Variants in CDCA7L observed in about 807,000 individuals in gnomAD.
The protein encoded by CDCA7L is cell division cycle-associated 7-like protein.
CDCA7L carries 44 observed loss-of-function variants against 57.4 expected under a neutral mutation model. The observed-to-expected ratio is 0.77, with a 90% confidence interval of 0.60 to 0.98. CDCA7L has a LOEUF of 0.98. Ranked by LOEUF, CDCA7L falls within the 50% of genes least tolerant of loss-of-function variation. CDCA7L has a pLI of 0.00. For missense variants in CDCA7L, 644 were observed against 580.6 expected, an observed-to-expected ratio of 1.11 and a Z score of -1.12; for synonymous variants, 236 against 202.8, an observed-to-expected ratio of 1.16 and a Z score of -1.39.
At chr7:21,942,945 C>T (rs568855638) in intron 1 of CDCA7L, among the ~76,000 whole-genome samples, 1 of 152,192 alleles carries the variant, frequency 6.6e-6, no homozygotes, top group Admixed American at 6.5e-5. Context: ...CCTTCAACAG[C>T]GTGCTCCTGC....
At chr7:21,917,073 T>G (rs1236829118) in intron 1 of CDCA7L, among the ~76,000 whole-genome samples, 179 bp from the exon 2 acceptor site, 1 of 151,998 alleles carries the variant, frequency 6.6e-6, no homozygotes, top group East Asian at 1.9e-4. Context: ...AAATAAGGTG[T>G]GGGGTGGGTG....
chr7:21,923,110 T>C (rs769410863), intron 1 of CDCA7L, among the ~76,000 whole-genome samples: 3 of 152,184 alleles, frequency 2.0e-5, no homozygotes, highest in Non-Finnish European at 2.9e-5. Flanking sequence ...TACTGAACCA[T>C]ACATTTTAAA....
In CDCA7L at chr7:21,905,567, G is replaced by T; in HGVS notation, c.986C>A (p.Thr329Asn). ...ISSFRPVEDI[T>N]EEDLENVAIT... The stretch of plus-strand genomic sequence containing the variant: ...GGCAACATTTTCTAAGTCCTCTTCG[G>T]TGATATCCTCCACTGGCCGAAAAGA... Residue 329 changes from threonine to asparagine, a missense_variant, in exon 7 of 10, where the codon ACC becomes AAC. Physicochemically the swap from Thr to Asn is moderately conservative, Grantham distance 65. Coordinates refer to ENST00000406877, the MANE Select transcript of CDCA7L (RefSeq NM_018719.5). The T allele has an allele frequency of 1.2e-6, 2 of 1,613,924 alleles. No homozygotes were observed. The highest frequency in any genetic ancestry group is 1.7e-6 in the Non-Finnish European group (2 of 1,179,930).
intron 1 of CDCA7L, among the ~76,000 whole-genome samples, chr7:21,927,650 C>A (rs1387938394): frequency 1.3e-5 from 2 of 152,278 alleles, no homozygotes; most frequent in East Asian, 3.9e-4. Flanking sequence ...GGCTGAAAGG[C>A]ATGAATTGGA....
At chr7:21,918,001 C>A (rs1341653375) in intron 1 of CDCA7L, among the ~76,000 whole-genome samples, 1 of 77,938 alleles carries the variant, frequency 1.3e-5, no homozygotes. Context: ...CACTGACTTT[C>A]TTTTTAGATA....
At position 21,902,261 on chromosome 7, in the gene CDCA7L, T is replaced by TGAAATCTTTCTTAGGCACCAAG; in HGVS notation, c.*60_*61insCTTGGTGCCTAAGAAAGATTTC. 1 of 1,457,094 alleles carries TGAAATCTTTCTTAGGCACCAAG rather than the reference T, an allele frequency of 6.9e-7. No homozygotes were observed. The highest frequency in any genetic ancestry group is 9.6e-7 in the Non-Finnish European group (1 of 1,038,240). The allele number at this position is 1,457,094 out of a possible 1,614,324, so 90.3% of individuals were successfully genotyped here. ...TAAAAAAATCTTTCTTAGGCACCAA[T>TGAAATCTTTCTTAGGCACCAAG]GGTATGCATGTCTTGTTGGAGTACT... On this transcript the variant is annotated 3_prime_UTR_variant, in exon 10 of 10. Transcript: ENST00000406877.
chr7:21,936,231 T>C (rs1562637043), intron 1 of CDCA7L, among the ~76,000 whole-genome samples: 1 of 152,206 alleles, frequency 6.6e-6, no homozygotes, highest in Admixed American at 6.5e-5. Flanking sequence ...GATGGCTTCA[T>C]GGGTAATTCT....
At chr7:21,914,378 G>C (rs1785421196) in intron 2 of CDCA7L, among the ~76,000 whole-genome samples, 1 of 152,172 alleles carries the variant, frequency 6.6e-6, no homozygotes, top group South Asian at 2.1e-4. Context: ...AATCTAACAG[G>C]GAGGCAGACA....
At chr7:21,926,105 C>A (rs188281545) in intron 1 of CDCA7L, among the ~76,000 whole-genome samples, 12 of 152,234 alleles carry the variant, frequency 7.9e-5, no homozygotes, top group Non-Finnish European at 1.0e-4. Context: ...TTAGGGCAAC[C>A]ACAGTTAGAC....
Position 21,925,406 on chromosome 7 carries a change from T to C in CDCA7L, c.25-8512A>G, listed in dbSNP as rs375703223. Among the ~76,000 whole-genome samples, 46 of 152,328 alleles carry C rather than the reference T, an allele frequency of 3.0e-4. No homozygotes were observed. In the East Asian group the frequency reaches 4.8e-3, roughly 16 times the overall value. On this transcript the variant is annotated intron_variant, in intron 1 of 9. Coordinates refer to ENST00000406877, the MANE Select transcript of CDCA7L (RefSeq NM_018719.5). ...AGGTGTGAGGAGACAAACACTTCTA[T>C]ACAGAACTGGTATGAGGACACTGAA...
At chr7:21,938,666 A>G (rs1786247839) in intron 1 of CDCA7L, among the ~76,000 whole-genome samples, 1 of 152,178 alleles carries the variant, frequency 6.6e-6, no homozygotes, top group Non-Finnish European at 1.5e-5. Flanking sequence ...TAAATAGATG[A>G]GTAAATAAAG....
rs114002900 is a variant in CDCA7L at position 21,919,683 on chromosome 7, G to T, written c.25-2789C>A. 4.7e-4 allele frequency among the ~76,000 whole-genome samples: 71 copies of T among 152,058 alleles called. 1 individual carries two copies. Among genetic ancestry groups the T allele is most frequent in the African/African-American group, 1.7e-3 (71 of 41,482 alleles). ...CTCATCTCTCCCTCATCTCACATTA[G>T]CATCGCCGTTCCACCACAAGGAAAA... On this transcript the variant is annotated intron_variant, in intron 1 of 9. Coordinates refer to ENST00000406877, the MANE Select transcript of CDCA7L (RefSeq NM_018719.5).
At chr7:21,906,060 G>A (rs371535037) in intron 6 of CDCA7L, among the ~76,000 whole-genome samples, 29 of 152,052 alleles carry the variant, frequency 1.9e-4, no homozygotes, top group African/African-American at 5.5e-4. Flanking sequence ...TTCTCAGCTC[G>A]GCTTGGATAA....
At chr7:21,916,335 A>G (rs763702687) in intron 2 of CDCA7L, among the ~76,000 whole-genome samples, 2 of 152,120 alleles carry the variant, frequency 1.3e-5, no homozygotes, top group Admixed American at 1.3e-4. Flanking sequence ...CCAAGAGGAC[A>G]TGCCAACAGA....
In CDCA7L at chr7:21,901,920, G is replaced by C. The variant is rs142619820; in HGVS notation, c.*402C>G. On this transcript the variant is annotated 3_prime_UTR_variant, in exon 10 of 10. Coordinates refer to ENST00000406877, the MANE Select transcript of CDCA7L (RefSeq NM_018719.5). Reference sequence around the variant, plus strand: ...GTGGTCTATTAAACTGTGGTCACTCGTGCTAAGGCACACTTGGCCTGGAGT... The same window carrying C: ...GTGGTCTATTAAACTGTGGTCACTCCTGCTAAGGCACACTTGGCCTGGAGT... 5 of 229,318 alleles carry C rather than the reference G, an allele frequency of 2.2e-5. No homozygotes were observed. Among genetic ancestry groups the C allele is most frequent in the East Asian group, 9.5e-5 (1 of 10,572 alleles). The allele number at this position is 229,318 out of a possible 1,614,324, so 14.2% of individuals were successfully genotyped here.
chr7:21,926,088 A>C (rs1785816966), intron 1 of CDCA7L, among the ~76,000 whole-genome samples: 1 of 152,178 alleles, frequency 6.6e-6, no homozygotes, highest in African/African-American at 2.4e-5. Flanking sequence ...ATAAAAATAA[A>C]GTAAAATTAG....
chr7:21,945,791 G>T lies in CDCA7L; in HGVS notation c.14C>A (p.Thr5Asn), dbSNP rs781561939. Reference sequence around the variant, plus strand: ...CGGCCGGACCCTCACCTGGTAGCGAGTCGCCAACTCCATTCTTCCTAACCG... The same window carrying T: ...CGGCCGGACCCTCACCTGGTAGCGATTCGCCAACTCCATTCTTCCTAACCG... MELA[T>N]RYQIPKEVAD... Residue 5 changes from threonine (T) to asparagine (N), a missense_variant, in exon 1 of 10, where the codon ACT becomes AAT. Thr to Asn is a moderately conservative substitution (Grantham distance 65). Transcript: ENST00000406877. The T allele has an allele frequency of 6.2e-7, 1 of 1,600,342 alleles. No homozygotes were observed. Among genetic ancestry groups the T allele is most frequent in the African/African-American group, 1.4e-5 (1 of 73,046 alleles).
chr7:21,929,540 T>C (rs1164325186), intron 1 of CDCA7L, among the ~76,000 whole-genome samples: 1 of 146,730 alleles, frequency 6.8e-6, no homozygotes. Context: ...GACCCATCGG[T>C]GTGCTGTATT....
Position 21,902,429 on chromosome 7 carries a change from A to ATCATCTAAGAGTACAAAGCCAGAACC in CDCA7L, c.1335-103_1335-78dup. On this transcript the variant is annotated intron_variant, in intron 9 of 9. Coordinates refer to ENST00000406877, the MANE Select transcript of CDCA7L (RefSeq NM_018719.5). ...CATTCTAGGCTTGAGAGATTCCACA[A>ATCATCTAAGAGTACAAAGCCAGAACC]TCATCTAAGAGTACAAAGCCAGAAC... The ATCATCTAAGAGTACAAAGCCAGAACC allele has an allele frequency of 2.2e-6, 3 of 1,384,310 alleles. No individual in the cohort carries two copies. The Admixed American group carries it at 5.0e-5, about 23-fold the overall frequency. 85.8% of individuals were successfully genotyped at this position (1,384,310 alleles called of 1,614,324 possible).
Sources: allele counts gnomAD v4.1 joint callset (sites outside exome capture counted in the v4.1 genomes callset), GRCh38; gene constraint gnomAD v4.1.1; transcripts MANE v1.5; gene names NCBI Gene and HGNC (gene_info 2026-07-23, HGNC 2026-07-21).